Variants in CDH4 observed in about 807,000 individuals in gnomAD.
CDH4 encodes cadherin 4.
CDH4 carries 33 observed loss-of-function variants against 86.0 expected under a neutral mutation model. The observed-to-expected ratio is 0.38, with a 90% CI of 0.29 to 0.51. The LOEUF is 0.51. Ranked by LOEUF, CDH4 falls within the 20% of genes least tolerant of loss-of-function variation. The probability of loss-of-function intolerance (pLI) is 0.86; values close to 1 mark genes in which losing one functional copy is unlikely to be tolerated. For synonymous variants in CDH4, 555 were observed against 549.4 expected (o/e 1.01, Z -0.14); for missense variants, 1,114 against 1,307.4 (o/e 0.85, Z 2.28).
intron 2 of CDH4, among the ~76,000 whole-genome samples, chr20:61,305,821 C>T (rs879081007): frequency 6.6e-6 from 1 of 152,158 alleles, no homozygotes; most frequent in African/African-American, 2.4e-5. Flanking sequence ...CCAGGAGATC[C>T]GTGGGAGTTC....
intron 2 of CDH4, among the ~76,000 whole-genome samples, chr20:61,326,829 C>T (rs572712748): frequency 2.6e-5 from 4 of 152,128 alleles, no homozygotes; most frequent in Non-Finnish European, 5.9e-5. Flanking sequence ...CTGGTAAATG[C>T]AAGATGTGTT....
intron 2 of CDH4, among the ~76,000 whole-genome samples, chr20:61,603,413 G>A (rs542086949): frequency 6.6e-6 from 1 of 152,312 alleles, no homozygotes; most frequent in East Asian, 1.9e-4. Flanking sequence ...AGACAGATCT[G>A]GACGAGGAGA....
At chr20:61,258,227 G>A (rs1163314672) in intron 2 of CDH4, among the ~76,000 whole-genome samples, 2 of 150,780 alleles carry the variant, frequency 1.3e-5, no homozygotes, top group Non-Finnish European at 2.9e-5. Context: ...CTACGTGAGA[G>A]GCTGAGGCAG....
Position 61,686,854 on chromosome 20 carries a change from G to A in CDH4, c.170-56709G>A, listed in dbSNP as rs577464709. On this transcript the variant is annotated intron_variant, in intron 2 of 15. Transcript: ENST00000614565. Reference sequence around the variant, plus strand: ...AGGGTTTGTTAGGTTTTGTGCTAGGGATTGTGCATGTACAGGACGGAGAGT... The same window carrying A: ...AGGGTTTGTTAGGTTTTGTGCTAGGAATTGTGCATGTACAGGACGGAGAGT... Among the ~76,000 whole-genome samples the A allele has an allele frequency of 8.9e-3, 1,354 of 152,314 alleles. 21 individuals carry two copies. The highest frequency in any genetic ancestry group is 0.027 in the African/African-American group (1,119 of 41,562).
At chr20:61,635,777 G>A (rs2086940461) in intron 2 of CDH4, among the ~76,000 whole-genome samples, 2 of 152,340 alleles carry the variant, frequency 1.3e-5, no homozygotes, top group Non-Finnish European at 2.9e-5. Flanking sequence ...AGGGCTGCAA[G>A]CACGTCTTCC....
chr20:61,872,896 A>T (rs1983868565), intron 6 of CDH4, among the ~76,000 whole-genome samples: 1 of 152,236 alleles, frequency 6.6e-6, no homozygotes, highest in African/African-American at 2.4e-5. Flanking sequence ...CACTGCTCCC[A>T]GCAGAGCTTG....
intron 2 of CDH4, among the ~76,000 whole-genome samples, chr20:61,505,369 C>T (rs1413325367): frequency 2.0e-5 from 3 of 152,156 alleles, no homozygotes; most frequent in South Asian, 2.1e-4. Flanking sequence ...AGCTTCAGGA[C>T]GGCCCGCTTT....
intron 2 of CDH4, among the ~76,000 whole-genome samples, chr20:61,352,645 C>T (rs1429697534): frequency 6.6e-6 from 1 of 152,144 alleles, no homozygotes; most frequent in Non-Finnish European, 1.5e-5. Context: ...TAGGCCGTTT[C>T]GTGTTTGAGC....
intron 2 of CDH4, among the ~76,000 whole-genome samples, chr20:61,657,023 C>T (rs533110567): frequency 3.0e-4 from 45 of 152,324 alleles, no homozygotes; most frequent in African/African-American, 1.1e-3. Flanking sequence ...TGTCTTAGAG[C>T]ATCTGCAGAG....
At position 61,859,817 on chromosome 20, in the gene CDH4, G is replaced by A. The variant is rs539071349; in HGVS notation, c.877+6919G>A. On this transcript the variant is annotated intron_variant, in intron 6 of 15. Transcript: ENST00000614565. ...CGCTGCCGGGTGGAGGGATGGCTTC[G>A]TGGACAGTGTGAGGTGGTCATGCCC... Among the ~76,000 whole-genome samples, 55 of 152,256 alleles carry A rather than the reference G, an allele frequency of 3.6e-4. 3 individuals are homozygous for A. The highest frequency in any genetic ancestry group is 2.1e-4 in the South Asian group (1 of 4,830).
At chr20:61,783,197 T>C (rs1450442691) in intron 4 of CDH4, among the ~76,000 whole-genome samples, 1 of 152,220 alleles carries the variant, frequency 6.6e-6, no homozygotes, top group Non-Finnish European at 1.5e-5. Flanking sequence ...TGAAAACAAA[T>C]ACAAGGCGTC....
At chr20:61,255,858 G>A (rs555208431) in intron 2 of CDH4, among the ~76,000 whole-genome samples, 6 of 152,236 alleles carry the variant, frequency 3.9e-5, no homozygotes, top group South Asian at 4.1e-4. Flanking sequence ...TCAGATCCTC[G>A]CCCTTCAAGA....
At chr20:61,484,109 C>T (rs1358910977) in intron 2 of CDH4, among the ~76,000 whole-genome samples, 1 of 152,102 alleles carries the variant, frequency 6.6e-6, no homozygotes, top group African/African-American at 2.4e-5. Context: ...GTTGGCCAGG[C>T]TTCAGCAGAC....
chr20:61,841,697 G>GC (rs73625074), intron 4 of CDH4, among the ~76,000 whole-genome samples: 1,730 of 120,302 alleles, frequency 0.014, 29 homozygotes, highest in African/African-American at 0.04. Context: ...GAGGTGCATT[G>GC]CGGGGGGGAA....
chr20:61,694,546 G>C (rs926946860), intron 2 of CDH4, among the ~76,000 whole-genome samples: 3 of 152,204 alleles, frequency 2.0e-5, no homozygotes, highest in African/African-American at 7.2e-5. Context: ...TTCTCGGATG[G>C]AGGCTGTGCA....
intron 4 of CDH4, among the ~76,000 whole-genome samples, chr20:61,815,243 T>C (rs1396092202): frequency 6.6e-6 from 1 of 152,142 alleles, no homozygotes; most frequent in African/African-American, 2.4e-5. Flanking sequence ...ATCACAGGCC[T>C]GACACATCCA....
intron 2 of CDH4, chr20:61,570,016 T>C (rs1468457643): frequency 6.6e-6 from 1 of 152,284 alleles, no homozygotes; most frequent in Non-Finnish European, 1.5e-5. Flanking sequence ...GCACCGATTT[T>C]ACATGGCCCA....
Position 61,829,978 on chromosome 20 carries a change from C to T in CDH4, c.577-14690C>T, listed in dbSNP as rs955839321. 3.3e-5 allele frequency among the ~76,000 whole-genome samples: 5 copies of T among 152,102 alleles called. No individual in the cohort carries two copies. The highest frequency in any genetic ancestry group is 3.4e-3 in the Middle Eastern group (1 of 294). On this transcript the variant is annotated intron_variant, in intron 4 of 15. Transcript: ENST00000614565. The surrounding 1 kb of genome is among the most constrained non-coding windows in gnomAD (Gnocchi z 4.2). ...GGGTGGTTTGGTGTGTTTGGCAAGC[C>T]GACCCAAACTCCCATTACATGCTAT...
chr20:61,928,529 C>T (rs543517142), intron 12 of CDH4, 106 bp downstream of exon 12: 2 of 910,630 alleles, frequency 2.2e-6, no homozygotes, highest in African/African-American at 1.6e-5. Flanking sequence ...GGGTGACAGT[C>T]CTCCAACAGG....
Sources: gnomAD v4.1 joint callset for allele counts (sites outside exome capture counted in the v4.1 genomes callset) on GRCh38, gnomAD v4.1.1 for gene constraint, Gnocchi (gnomAD v3.1) non-coding constraint, MANE v1.5 for transcripts, NCBI Gene and HGNC (gene_info 2026-07-23, HGNC 2026-07-21) for gene names.